Variants in MCTP1 observed in about 807,000 individuals in gnomAD.
The protein encoded by MCTP1 is multiple C2 and transmembrane domain containing 1.
In MCTP1, 69 loss-of-function variants were observed where a neutral mutation model predicts 120.6. The observed-to-expected ratio is 0.57, with a 90% CI of 0.47 to 0.70. The LOEUF is 0.70. Ranked by LOEUF, MCTP1 falls within the 30% of genes least tolerant of loss-of-function variation. The probability of loss-of-function intolerance (pLI) is 0.00; values close to 1 mark genes in which losing one functional copy is unlikely to be tolerated. For synonymous variants in MCTP1, 529 were observed against 493.1 expected (o/e 1.07, Z -0.96); for missense variants, 1,203 against 1,248.8 (o/e 0.96, Z 0.55).
intron 1 of MCTP1, among the ~76,000 whole-genome samples, chr5:95,127,890 T>A (rs1758749682): frequency 1.3e-5 from 2 of 152,176 alleles, no homozygotes; most frequent in South Asian, 2.1e-4. Context: ...GCTGGTGCAA[T>A]CTGAATGGGA....
At chr5:94,882,172 A>G (rs1391563048) in intron 12 of MCTP1, among the ~76,000 whole-genome samples, 2 of 152,180 alleles carry the variant, frequency 1.3e-5, no homozygotes, top group Admixed American at 6.6e-5. Context: ...ATAGGATTGT[A>G]TACATATACT....
intron 17 of MCTP1, among the ~76,000 whole-genome samples, chr5:94,814,515 G>A (rs1194696681): frequency 6.6e-6 from 1 of 152,152 alleles, no homozygotes; most frequent in Admixed American, 6.5e-5. Flanking sequence ...AACTGGAAAA[G>A]CAGGGTCCTA....
chr5:94,810,143 T>G (rs558052449), intron 17 of MCTP1, among the ~76,000 whole-genome samples: 1 of 152,244 alleles, frequency 6.6e-6, no homozygotes, highest in Non-Finnish European at 1.5e-5. Context: ...ATCTTTTATT[T>G]AAGTATATTT....
At chr5:95,258,375 A>C (rs979133450) in intron 1 of MCTP1, among the ~76,000 whole-genome samples, 3 of 152,210 alleles carry the variant, frequency 2.0e-5, no homozygotes, top group African/African-American at 7.2e-5. Flanking sequence ...CCAACTGAGA[A>C]ACATTCTACA....
In MCTP1 at chr5:94,922,172, T is replaced by C. The variant is rs972882914; in HGVS notation, c.1272+1790A>G. Among the ~76,000 whole-genome samples the C allele has an allele frequency of 2.0e-5, 3 of 152,326 alleles. No individual in the cohort carries two copies. The East Asian group carries it at 5.8e-4, about 29-fold the overall frequency. On this transcript the variant is annotated intron_variant, in intron 7 of 22. Transcript: ENST00000515393. ...CATCACACCGTGGATACAAGAAAGTTTGTTTATTTTTAAACTTGCACATTT... is the reference window on the plus strand; with the variant it reads ...CATCACACCGTGGATACAAGAAAGTCTGTTTATTTTTAAACTTGCACATTT...
At chr5:95,065,741 A>G (rs1357488400) in intron 1 of MCTP1, among the ~76,000 whole-genome samples, 2 of 152,226 alleles carry the variant, frequency 1.3e-5, no homozygotes, top group Non-Finnish European at 2.9e-5. Flanking sequence ...TAGAGGTTTT[A>G]ACCACAGTAT....
chr5:95,205,211 G>C (rs574598480), intron 1 of MCTP1, among the ~76,000 whole-genome samples: 2 of 152,134 alleles, frequency 1.3e-5, no homozygotes. Context: ...ATTAATTTTT[G>C]ACAAAGGTGC....
intron 16 of MCTP1, 65 bp downstream of exon 16, chr5:94,870,352 T>C (rs1318526020): frequency 1.8e-6 from 2 of 1,086,154 alleles, no homozygotes; most frequent in Non-Finnish European, 2.8e-6. Context: ...TATTTGAATT[T>C]ACTTAGATGT....
At chr5:95,115,623 G>A (rs561154901) in intron 1 of MCTP1, among the ~76,000 whole-genome samples, 1 of 152,096 alleles carries the variant, frequency 6.6e-6, no homozygotes, top group South Asian at 2.1e-4. Context: ...AATAAAGCAT[G>A]CCTACAGATT....
At chr5:94,890,731 A>G (rs967722448) in intron 11 of MCTP1, among the ~76,000 whole-genome samples, 1 of 152,244 alleles carries the variant, frequency 6.6e-6, no homozygotes, top group African/African-American at 2.4e-5. Context: ...AGGAATTAAA[A>G]GAGGGAAACC....
At chr5:95,115,760 G>C (rs77308630) in intron 1 of MCTP1, among the ~76,000 whole-genome samples, 2 of 152,056 alleles carry the variant, frequency 1.3e-5, no homozygotes, top group African/African-American at 4.8e-5. Flanking sequence ...GCTAGAGAAA[G>C]ATAATATCTG....
At chr5:94,958,639 C>T (rs1329677057) in intron 2 of MCTP1, among the ~76,000 whole-genome samples, 6 of 152,144 alleles carry the variant, frequency 3.9e-5, no homozygotes, top group Non-Finnish European at 8.8e-5. Context: ...ATACTATAAA[C>T]ACCTCTACAC....
chr5:94,737,860 G>C (rs1241640163), intron 19 of MCTP1, among the ~76,000 whole-genome samples: 1 of 152,112 alleles, frequency 6.6e-6, no homozygotes, highest in Non-Finnish European at 1.5e-5. Flanking sequence ...TGTATTTTTA[G>C]TAGAGACGGG....
At chr5:95,100,129 G>C (rs1480775059) in intron 1 of MCTP1, among the ~76,000 whole-genome samples, 7 of 127,288 alleles carry the variant, frequency 5.5e-5, no homozygotes, top group Non-Finnish European at 8.1e-5. Context: ...GTTGTGGGGT[G>C]GGGGGAGGGG....
At chr5:94,812,496 CA>C (rs148545608) in intron 17 of MCTP1, among the ~76,000 whole-genome samples, 5 of 135,394 alleles carry the variant, frequency 3.7e-5, no homozygotes, top group East Asian at 2.1e-4. Flanking sequence ...TAAAACAAAA[CA>C]AAAAAAAAAC....
intron 1 of MCTP1, among the ~76,000 whole-genome samples, chr5:95,190,914 G>C (rs1271328929): frequency 6.6e-6 from 1 of 151,936 alleles, no homozygotes; most frequent in Non-Finnish European, 1.5e-5. Context: ...AATTCCATTA[G>C]AGTTGAAAAT....
At chr5:94,751,129 T>A (rs936699159) in intron 19 of MCTP1, among the ~76,000 whole-genome samples, 1 of 152,052 alleles carries the variant, frequency 6.6e-6, no homozygotes, top group African/African-American at 2.4e-5. Context: ...GCTGAAGTAA[T>A]CACTCAGAAG....
intron 4 of MCTP1, among the ~76,000 whole-genome samples, chr5:94,940,588 A>ATATATATACACATATACATATATATGTG (rs1817427912): frequency 1.3e-4 from 19 of 144,130 alleles, no homozygotes; most frequent in Non-Finnish European, 1.8e-4. Flanking sequence ...ATATATATGT[A>ATATATATACACATATACATATATATGTG]TATATATATA....
At chr5:94,981,249 C>T (rs1018590420) in intron 2 of MCTP1, among the ~76,000 whole-genome samples, 1 of 152,026 alleles carries the variant, frequency 6.6e-6, no homozygotes, top group Non-Finnish European at 1.5e-5. Flanking sequence ...GATGTAGAAC[C>T]AATCTAAGTT....
Sources: allele counts gnomAD v4.1 joint callset (sites outside exome capture counted in the v4.1 genomes callset), GRCh38; gene constraint gnomAD v4.1.1; transcripts MANE v1.5; gene names NCBI Gene and HGNC (gene_info 2026-07-23, HGNC 2026-07-21).